The following DDX31 variants were observed in gnomAD, a reference collection of about 807,000 sequenced individuals.
DDX31 encodes DEAD-box helicase 31, also known as ATP-dependent DNA helicase DDX31.
In DDX31, 70 loss-of-function variants were observed where a neutral mutation model predicts 91.3. That is an observed-to-expected ratio of 0.77 (90% CI 0.63 to 0.94). DDX31 has a LOEUF of 0.94. DDX31 is among the 40% of genes least tolerant of loss of function. The pLI is 0.00. For missense variants in DDX31, 902 were observed against 925.0 expected (o/e 0.98, Z 0.32); for synonymous variants, 362 against 350.6 (o/e 1.03, Z -0.36).
intron 17 of DDX31, among the ~76,000 whole-genome samples, chr9:132,624,731 A>G (rs1564297227): frequency 6.6e-6 from 1 of 152,168 alleles, no homozygotes; most frequent in Non-Finnish European, 1.5e-5. Flanking sequence ...TAGGTTGGGA[A>G]CACACACTTT....
chr9:132,659,792 G>A lies in DDX31; in HGVS notation c.453-12C>T, dbSNP rs780234097. 2.5e-6 allele frequency: 4 copies of A among 1,611,262 alleles called. No individual in the cohort carries two copies. The highest frequency in any genetic ancestry group is 1.1e-5 in the South Asian group (1 of 90,600). On this transcript the variant is annotated splice_polypyrimidine_tract_variant and intron_variant, in intron 4 of 19. Transcript: ENST00000372159. ...TTTGCTTCTGAACACTGGGCCACCCGAAAAAAAGAACACACTTTACCTATA... is the reference window on the plus strand; with the variant it reads ...TTTGCTTCTGAACACTGGGCCACCCAAAAAAAAGAACACACTTTACCTATA...
chr9:132,598,368 G>A (rs757444306), intron 19 of DDX31, among the ~76,000 whole-genome samples: 2 of 152,028 alleles, frequency 1.3e-5, no homozygotes, highest in African/African-American at 2.4e-5. Flanking sequence ...CCAAATACCC[G>A]CACCCCTCTC....
chr9:132,647,702 T>G (rs577573731), intron 11 of DDX31, among the ~76,000 whole-genome samples: 1 of 152,302 alleles, frequency 6.6e-6, no homozygotes, highest in Non-Finnish European at 1.5e-5. Flanking sequence ...TTCCAAGCCT[T>G]CGTGTTCCCA....
intron 18 of DDX31, among the ~76,000 whole-genome samples, chr9:132,617,156 C>G (rs940496773): frequency 1.3e-5 from 2 of 152,160 alleles, no homozygotes; most frequent in Non-Finnish European, 2.9e-5. Context: ...CTGCCTTCCT[C>G]GAGCTCGTCT....
Position 132,595,149 on chromosome 9 carries a change from T to C in DDX31, c.1995-37A>G, listed in dbSNP as rs1285920444. The C allele has an allele frequency of 1.3e-6, 2 of 1,584,760 alleles. No individual in the cohort carries two copies. The highest frequency in any genetic ancestry group is 3.7e-5 in the Admixed American group (2 of 54,374). ...TAACAGCAGAGAGGGAAAAGAAACT[T>C]TATTATTTTTCTTTCCCATTTGGAA... On this transcript the variant is annotated intron_variant, in intron 19 of 19. Transcript: ENST00000372159. The surrounding 1 kb of genome is among the most constrained non-coding windows in gnomAD (Gnocchi z 4.6).
At position 132,625,722 on chromosome 9, in the gene DDX31, T is replaced by C. The variant is rs376410126; in HGVS notation, c.1655A>G (p.Asp552Gly). Residue 552 changes from aspartate (D) to glycine (G), a missense_variant, in exon 17 of 20, where the codon GAT becomes GGT. Asp to Gly is a moderately conservative substitution (Grantham distance 94). Transcript: ENST00000372159. ...KINVSEIKME[D>G]ILCVLTRDDC... ...ATCTCTTGTCAGAACACACAAAATA[T>C]CTTCCATCTTAATCTCAGAAACGCT... 9.3e-6 allele frequency: 15 copies of C among 1,613,798 alleles called. No individual in the cohort carries two copies. The highest frequency in any genetic ancestry group is 2.2e-5 in the East Asian group (1 of 44,876).
chr9:132,630,189 C>T (rs1832633726), intron 16 of DDX31, 75 bp downstream of exon 16: 2 of 1,468,360 alleles, frequency 1.4e-6, no homozygotes, highest in South Asian at 2.9e-5. Flanking sequence ...GCTTACAAGG[C>T]CCATTCACTG....
intron 17 of DDX31, among the ~76,000 whole-genome samples, chr9:132,619,248 T>A (rs1314809351): frequency 6.6e-6 from 1 of 152,250 alleles, no homozygotes; most frequent in Non-Finnish European, 1.5e-5. Context: ...GTCTCCAATA[T>A]CGTAAAACAA....
chr9:132,644,854 G>A (rs901284388), intron 13 of DDX31, among the ~76,000 whole-genome samples: 3 of 152,326 alleles, frequency 2.0e-5, no homozygotes, highest in Admixed American at 6.5e-5. Flanking sequence ...ATGCGCAAGG[G>A]CTGGAATATT....
rs1409423317 is a variant in DDX31 at position 132,648,544 on chromosome 9, T to C, written c.748A>G (p.Lys250Glu). The change falls in exon 10 of 20, where the codon AAA (lysine) becomes GAA (glutamate). Residue 250 changes from lysine to glutamate, a missense_variant. Physicochemically the swap from Lys to Glu is moderately conservative, Grantham distance 56. Transcript: ENST00000372159. The stretch of plus-strand genomic sequence containing the variant: ...GTTGAGATAAGGATATTTATTCCTT[T>C]GCGGAGTCTGTTTAAAATTATATAT... Reference protein sequence around the residue: ...KRKSEKARLRKGINILISTPG... With the variant: ...KRKSEKARLREGINILISTPG... 1.9e-6 allele frequency: 3 copies of C among 1,608,172 alleles called. No homozygotes were observed. The Admixed American group carries it at 5.1e-5, about 28-fold the overall frequency.
chr9:132,613,631 A>T (rs1831472325), intron 18 of DDX31, among the ~76,000 whole-genome samples: 1 of 152,168 alleles, frequency 6.6e-6, no homozygotes, highest in African/African-American at 2.4e-5. Flanking sequence ...AAGGCTGAGG[A>T]TGGAGTTAGC....
intron 1 of DDX31, 130 bp downstream of exon 1, chr9:132,669,730 G>A (rs1191455402): frequency 6.5e-7 from 1 of 1,530,194 alleles, no homozygotes; most frequent in South Asian, 1.2e-5. Context: ...TCCCGAAGCT[G>A]CCCGGTGTCT....
chr9:132,634,418 G>A (rs865993900), intron 14 of DDX31, among the ~76,000 whole-genome samples: 2 of 152,088 alleles, frequency 1.3e-5, no homozygotes, highest in Middle Eastern at 6.8e-3. Context: ...AAAGTAGGTT[G>A]CAAACATCAT....
Position 132,646,057 on chromosome 9 carries a change from C to G in DDX31, c.1218G>C (p.Gln406His). The change falls in exon 13 of 20, where the codon CAG becomes CAC. Residue 406 changes from glutamine (Q) to histidine (H), a missense_variant. By Grantham distance (24) the Gln-to-His change is conservative (BLOSUM62 0). Transcript: ENST00000372159. ...ILQKCKFEED[Q>H]KMVVFFSSCE... ...AACTTGAGAAAAAGACAACCATCTT[C>G]TGGTCTTCCTCAAACTACATCGATA... 1 of 1,614,084 alleles carries G rather than the reference C, an allele frequency of 6.2e-7. No individual in the cohort carries two copies. The highest frequency in any genetic ancestry group is 8.5e-7 in the Non-Finnish European group (1 of 1,179,978).
At chr9:132,643,166 T>A (rs1264150594) in intron 13 of DDX31, among the ~76,000 whole-genome samples, 1 of 152,160 alleles carries the variant, frequency 6.6e-6, no homozygotes, top group African/African-American at 2.4e-5. Flanking sequence ...AACATCTCTA[T>A]AAATAAGTCA....
At chr9:132,646,172 G>A in intron 12 of DDX31, 101 bp from the exon 13 acceptor site, 2 of 1,188,542 alleles carry the variant, frequency 1.7e-6, no homozygotes, top group Non-Finnish European at 2.3e-6. Flanking sequence ...ACCCCCATTT[G>A]GAAATAAAGG....
intron 19 of DDX31, among the ~76,000 whole-genome samples, chr9:132,603,465 AGAG>A (rs1241689400): frequency 6.6e-6 from 1 of 152,156 alleles, no homozygotes; most frequent in Non-Finnish European, 1.5e-5. Context: ...TTAGATTAGA[AGAG>A]GAGAGGAGGT....
intron 16 of DDX31, 123 bp from the exon 17 acceptor site, chr9:132,625,868 G>A: frequency 3.1e-6 from 2 of 651,550 alleles, no homozygotes; most frequent in East Asian, 5.7e-5. Context: ...CACCTTCCTA[G>A]GAAAGGAAAT....
intron 19 of DDX31, among the ~76,000 whole-genome samples, chr9:132,602,621 C>T (rs1371501091): frequency 6.6e-6 from 1 of 152,150 alleles, no homozygotes; most frequent in Non-Finnish European, 1.5e-5. Context: ...CCAAATCTTG[C>T]TTATAATCAT....
Sources: allele counts gnomAD v4.1 joint callset (sites outside exome capture counted in the v4.1 genomes callset), GRCh38; gene constraint gnomAD v4.1.1; non-coding constraint Gnocchi (gnomAD v3.1); transcripts MANE v1.5; gene names NCBI Gene and HGNC (gene_info 2026-07-23, HGNC 2026-07-21).